The following GCNT2 variants were observed in gnomAD, a reference collection of about 807,000 sequenced individuals.
GCNT2 encodes glucosaminyl (N-acetyl) transferase 2 (I blood group).
A neutral mutation model predicts 34.2 loss-of-function variants in GCNT2; 34 were observed. That is an observed-to-expected ratio of 1.00 (90% CI 0.76 to 1.32). The LOEUF (loss-of-function observed/expected upper bound fraction) is 1.32, where lower values mean the gene tolerates loss of function less well. Ranked by LOEUF, GCNT2 falls within the 40% of genes most tolerant of loss-of-function variation. The pLI, the probability that GCNT2 is intolerant of heterozygous loss-of-function variation, is 0.00. For synonymous variants in GCNT2, 212 were observed against 188.0 expected, an observed-to-expected ratio of 1.13 and a Z score of -1.04; for missense variants, 584 against 489.4, an observed-to-expected ratio of 1.19 and a Z score of -1.82.
At position 10,533,404 on chromosome 6, in the gene GCNT2, T is replaced by C. The variant is rs530598933; in HGVS notation, c.925+3568T>C. On this transcript the variant is annotated intron_variant, in intron 3 of 4. Coordinates refer to ENST00000495262, the MANE Select transcript of GCNT2 (RefSeq NM_145649.5). The stretch of plus-strand genomic sequence containing the variant: ...ACAGCACTGCCCAATAGGAATGCTA[T>C]AATGGGAGCCATAGATCTAAAATCA... Among the ~76,000 whole-genome samples the C allele has an allele frequency of 8.9e-4, 135 of 152,266 alleles. 1 individual carries two copies. Among genetic ancestry groups the C allele is most frequent in the African/African-American group, 2.8e-3 (118 of 41,548 alleles).
intron 3 of GCNT2, among the ~76,000 whole-genome samples, chr6:10,605,870 A>C (rs1765287682): frequency 6.6e-6 from 1 of 152,132 alleles, no homozygotes; most frequent in African/African-American, 2.4e-5. Flanking sequence ...CTTCTGATCA[A>C]GGCCAGCTCC....
At chr6:10,569,280 A>C (rs1763433707) in intron 3 of GCNT2, among the ~76,000 whole-genome samples, 1 of 31,500 alleles carries the variant, frequency 3.2e-5, no homozygotes, top group Admixed American at 4.1e-4. Flanking sequence ...CACACCCCCT[A>C]GGTAATTTTG....
rs1009108403 is a variant in GCNT2, at chr6:10,629,309, T to C, written c.*2702T>C. The C allele has an allele frequency of 1.3e-5, 2 of 152,670 alleles. No homozygotes were observed. The highest frequency in any genetic ancestry group is 2.4e-5 in the African/African-American group (1 of 41,464). The allele number at this position is 152,670 out of a possible 1,614,324, so 9.5% of individuals were successfully genotyped here. On this transcript the variant is annotated 3_prime_UTR_variant, in exon 5 of 5. Coordinates refer to ENST00000495262, the MANE Select transcript of GCNT2 (RefSeq NM_145649.5). ...CCCTGAAACTACTGTATCTGATGTT[T>C]GTTTTCGATGAGGTTCCATGTTTTG...
At chr6:10,605,208 A>ATTTTTTTTTTTT (rs869167781) in intron 3 of GCNT2, among the ~76,000 whole-genome samples, 1 of 94,202 alleles carries the variant, frequency 1.1e-5, no homozygotes, top group Admixed American at 1.3e-4. Flanking sequence ...TCATGTAGGA[A>ATTTTTTTTTTTT]TTTTTTTTTT....
chr6:10,534,110 TC>T (rs1761640811), intron 3 of GCNT2, among the ~76,000 whole-genome samples: 1 of 150,630 alleles, frequency 6.6e-6, no homozygotes, highest in Admixed American at 6.6e-5. Context: ...TCCTATGTCT[TC>T]CCCTGGTATC....
chr6:10,573,290 C>T (rs888507088), intron 3 of GCNT2: 24 of 984,640 alleles, frequency 2.4e-5, no homozygotes, highest in South Asian at 9.4e-5. Context: ...TAGTTACCTA[C>T]GCTGTTCCTT....
At chr6:10,575,976 G>A (rs1052994371) in intron 3 of GCNT2, among the ~76,000 whole-genome samples, 3 of 152,006 alleles carry the variant, frequency 2.0e-5, no homozygotes, top group East Asian at 1.9e-4. Context: ...GACTCAGCCC[G>A]CCTGCACCCA....
Position 10,529,444 on chromosome 6 carries a change from T to C in GCNT2, c.533T>C (p.Val178Ala), listed in dbSNP as rs768277361. ...GACCTGAACTGCCTGGAAGACCTTG[T>C]GGCCTCTGAAGTTCCCTGGAAGTAT... ...QADLNCLEDLVASEVPWKYVI... is the reference protein window; with the variant it reads ...QADLNCLEDLAASEVPWKYVI... Residue 178 changes from valine (V) to alanine (A), a missense_variant, in exon 3 of 5, where the codon GTG (valine) becomes GCG (alanine). Val to Ala is a moderately conservative substitution (Grantham distance 64). Coordinates refer to ENST00000495262, the MANE Select transcript of GCNT2 (RefSeq NM_145649.5). The C allele has an allele frequency of 1.9e-6, 3 of 1,614,164 alleles. No individual in the cohort carries two copies. The highest frequency in any genetic ancestry group is 1.7e-5 in the Admixed American group (1 of 60,006).
intron 3 of GCNT2, chr6:10,557,141 T>TC: frequency 6.4e-7 from 1 of 1,550,982 alleles, no homozygotes; most frequent in Non-Finnish European, 8.7e-7. Context: ...CAAAGAGCTT[T>TC]CCTATGTGAT....
chr6:10,525,476 C>G (rs141536036), intron 1 of GCNT2, among the ~76,000 whole-genome samples: 3 of 152,096 alleles, frequency 2.0e-5, no homozygotes, highest in African/African-American at 7.2e-5. Context: ...ATCACACAAA[C>G]GCAAGAGCCT....
At chr6:10,579,826 C>CAAAAAAAAAAAAAAAAAAAAAAAAAAAA (rs61490868) in intron 3 of GCNT2, among the ~76,000 whole-genome samples, 1 of 89,914 alleles carries the variant, frequency 1.1e-5, no homozygotes. Context: ...AAAAAACAAA[C>CAAAAAAAAAAAAAAAAAAAAAAAAAAAA]AAAAAAAAAA....
intron 3 of GCNT2, among the ~76,000 whole-genome samples, chr6:10,597,134 A>G (rs1417198892): frequency 1.4e-5 from 2 of 143,104 alleles, no homozygotes; most frequent in Admixed American, 7.1e-5. Flanking sequence ...TTGAGAATTT[A>G]TTAGAAAGTA....
intron 3 of GCNT2, among the ~76,000 whole-genome samples, chr6:10,582,730 TC>T (rs34925285): frequency 0.17 from 25,397 of 150,066 alleles, 2,512 homozygotes; most frequent in African/African-American, 0.26. Context: ...GCTTTTTTTT[TC>T]CATTACTAAG....
chr6:10,618,326 G>A (rs1765883695), intron 3 of GCNT2, among the ~76,000 whole-genome samples: 1 of 152,178 alleles, frequency 6.6e-6, no homozygotes, highest in Admixed American at 6.5e-5. Context: ...TTGAGGTTTG[G>A]AATTTCAGTA....
At chr6:10,556,551 G>A (rs1386878008) in intron 3 of GCNT2, 1 of 1,614,006 alleles carries the variant, frequency 6.2e-7, no homozygotes, top group Non-Finnish European at 8.5e-7. Context: ...GACCCTTTGA[G>A]GCTGACTCAA....
At chr6:10,605,207 AATT>A (rs1184082988) in intron 3 of GCNT2, among the ~76,000 whole-genome samples, 8 of 119,802 alleles carry the variant, frequency 6.7e-5, no homozygotes, top group Non-Finnish European at 1.3e-4. Flanking sequence ...TTCATGTAGG[AATT>A]TTTTTTTTTT....
In GCNT2 at chr6:10,621,634, T is replaced by C. The variant is rs6933854; in HGVS notation, c.1018+191T>C. The C allele has an allele frequency of 0.1, 61,373 of 607,758 alleles. 6,439 individuals are homozygous for C. The highest frequency in any genetic ancestry group is 0.42 in the African/African-American group (22,593 of 54,358). The allele number at this position is 607,758 out of a possible 1,614,324, so 37.6% of individuals were successfully genotyped here. A position where few individuals can be genotyped will look rare whatever the true frequency, so the allele number is the denominator to read the frequency against. The stretch of plus-strand genomic sequence containing the variant: ...GTTTAAACATCTCATTGATGTTCTC[T>C]AACTTATAATTACCTAGGGAGATGG... On this transcript the variant is annotated intron_variant, in intron 4 of 4. Transcript: ENST00000495262.
intron 3 of GCNT2, among the ~76,000 whole-genome samples, chr6:10,581,535 G>C (rs890338625): frequency 6.6e-6 from 1 of 152,122 alleles, no homozygotes; most frequent in East Asian, 1.9e-4. Flanking sequence ...CTCCCAAAAT[G>C]CTGGGATTAC....
At chr6:10,530,027 T>C (rs1323121632) in intron 3 of GCNT2, 191 bp downstream of exon 3, 14 of 583,888 alleles carry the variant, frequency 2.4e-5, no homozygotes, top group Non-Finnish European at 4.0e-5. Context: ...TGTGAACCGC[T>C]CTGTTCACAG....
Sources: gnomAD v4.1 joint callset for allele counts (sites outside exome capture counted in the v4.1 genomes callset) on GRCh38, gnomAD v4.1.1 for gene constraint, MANE v1.5 for transcripts, NCBI Gene and HGNC (gene_info 2026-07-23, HGNC 2026-07-21) for gene names.